Variants in ATG7 observed in about 807,000 individuals in gnomAD.
The protein encoded by ATG7 is autophagy related 7.
A neutral mutation model predicts 82.4 loss-of-function variants in ATG7; 70 were observed. The observed-to-expected ratio is 0.85, with a 90% CI of 0.70 to 1.04. The LOEUF (loss-of-function observed/expected upper bound fraction) is 1.04, where lower values mean the gene tolerates loss of function less well. Among genes scored for constraint, ATG7 ranks in the 50% least tolerant of loss-of-function variants. The pLI is 0.00. For synonymous variants in ATG7, 287 were observed against 313.0 expected, an observed-to-expected ratio of 0.92 and a Z score of 0.88; for missense variants, 792 against 864.3, an observed-to-expected ratio of 0.92 and a Z score of 1.05.
chr3:11,325,081 C>A (rs186622618), intron 9 of ATG7, among the ~76,000 whole-genome samples: 10 of 152,280 alleles, frequency 6.6e-5, no homozygotes, highest in African/African-American at 2.2e-4. Context: ...ACATGCTCTC[C>A]AGGTTTCTAG....
intron 1 of ATG7, among the ~76,000 whole-genome samples, chr3:11,275,685 C>G (rs1277325724): frequency 6.6e-6 from 1 of 152,094 alleles, no homozygotes; most frequent in Middle Eastern, 3.2e-3. Flanking sequence ...TCTCCCCACC[C>G]TTCTCCAGTG....
intron 20 of ATG7, among the ~76,000 whole-genome samples, chr3:11,515,252 A>T (rs985676698): frequency 1.3e-5 from 2 of 152,066 alleles, no homozygotes; most frequent in Non-Finnish European, 2.9e-5. Context: ...TTCATGTCTC[A>T]ACTGAGAGGT....
chr3:11,570,675 G>A, the ATG7 span, among the ~76,000 whole-genome samples: 1 of 152,236 alleles, frequency 6.6e-6, no homozygotes, highest in African/African-American at 2.4e-5. Flanking sequence ...ATGACTGGTG[G>A]CAAAGACTTT....
In ATG7 at chr3:11,358,544, G is replaced by T. The variant is rs767392709; in HGVS notation, c.1411G>T (p.Val471Phe). 2 of 1,614,088 alleles carry T rather than the reference G, an allele frequency of 1.2e-6. No homozygotes were observed. Among genetic ancestry groups the T allele is most frequent in the Non-Finnish European group, 8.5e-7 (1 of 1,179,994 alleles). Reference sequence around the variant, plus strand: ...GCAGCTCATCGAAAGCCATGATGTCGTCTTCCTATTGATGGACACCAGGGA... The same window carrying T: ...GCAGCTCATCGAAAGCCATGATGTCTTCTTCCTATTGATGGACACCAGGGA... ...LEQLIESHDV[V>F]FLLMDTRESR... Residue 471 changes from valine (V) to phenylalanine (F), a missense_variant, in exon 15 of 21, where the codon GTC becomes TTC. Physicochemically the swap from Val to Phe is conservative, Grantham distance 50. Transcript: ENST00000693202.
At chr3:11,515,297 C>CGTGTGTGTGT (rs1553704985) in intron 20 of ATG7, among the ~76,000 whole-genome samples, 1 of 151,216 alleles carries the variant, frequency 6.6e-6, no homozygotes, top group Non-Finnish European at 1.5e-5. Context: ...GTCTCTTGCG[C>CGTGTGTGTGT]GTGTGTGTGT....
intron 20 of ATG7, among the ~76,000 whole-genome samples, chr3:11,513,204 G>A (rs2092140541): frequency 6.6e-6 from 1 of 152,240 alleles, no homozygotes; most frequent in Admixed American, 6.5e-5. Context: ...CCGCACCGGG[G>A]CTGCAGGTGG....
In ATG7 at chr3:11,360,643, A is replaced by T; in HGVS notation, c.1542A>T (p.Lys514Asn). 1 of 1,614,190 alleles carries T rather than the reference A, an allele frequency of 6.2e-7. No homozygotes were observed. The highest frequency in any genetic ancestry group is 2.2e-5 in the East Asian group (1 of 44,888). ...TFVVMRHGLK[K>N]PKQQGAGDLC... ...TTGTCATGAGACATGGTCTGAAGAA[A>T]CCAAAGCAGCAAGGAGCTGGGGACT... The change falls in exon 16 of 21, where the codon AAA (lysine) becomes AAT (asparagine). Residue 514 changes from lysine (K) to asparagine (N), a missense_variant. Lys to Asn is a moderately conservative substitution (Grantham distance 94). Transcript: ENST00000693202.
At chr3:11,382,314 C>T (rs1357417578) in intron 19 of ATG7, among the ~76,000 whole-genome samples, 2 of 152,214 alleles carry the variant, frequency 1.3e-5, no homozygotes, top group Non-Finnish European at 2.9e-5. Context: ...CACGCACGCA[C>T]GCGAGCGAGA....
At chr3:11,449,634 C>G (rs1299000772) in intron 20 of ATG7, among the ~76,000 whole-genome samples, 1 of 152,176 alleles carries the variant, frequency 6.6e-6, no homozygotes, top group Non-Finnish European at 1.5e-5. Flanking sequence ...ATCAGATGAA[C>G]GCTTGGCATA....
chr3:11,373,601 A>G (rs1266023288), intron 18 of ATG7, among the ~76,000 whole-genome samples: 1 of 152,114 alleles, frequency 6.6e-6, no homozygotes, highest in Non-Finnish European at 1.5e-5. Flanking sequence ...TGCTTTATAG[A>G]CTTTGCACAC....
chr3:11,506,986 A>G (rs1404561928), intron 20 of ATG7, among the ~76,000 whole-genome samples: 1 of 152,100 alleles, frequency 6.6e-6, no homozygotes, highest in Non-Finnish European at 1.5e-5. Flanking sequence ...ATGCTTTTAA[A>G]TGTGCAAAAT....
chr3:11,546,541 C>T (rs918260650), intron 20 of ATG7, among the ~76,000 whole-genome samples: 1 of 152,156 alleles, frequency 6.6e-6, no homozygotes. Context: ...TTGTGCCATT[C>T]CCAAGGTAAT....
At chr3:11,376,265 G>A (rs149605159) in intron 18 of ATG7, among the ~76,000 whole-genome samples, 51 of 152,300 alleles carry the variant, frequency 3.3e-4, no homozygotes, top group African/African-American at 1.1e-3. Flanking sequence ...GATGATGGTT[G>A]CAAAACTGTT....
rs377672571 is a variant in ATG7, at chr3:11,365,579, G to A, written c.1875+845G>A. Among the ~76,000 whole-genome samples, 7 of 152,026 alleles carry A rather than the reference G, an allele frequency of 4.6e-5. No homozygotes were observed. The East Asian group carries it at 5.8e-4, about 13-fold the overall frequency. On this transcript the variant is annotated intron_variant, in intron 18 of 20. Coordinates refer to ENST00000693202, the MANE Select transcript of ATG7 (RefSeq NM_001349232.2). ...GACTGCTGTTCCCATCAGTGAAATC[G>A]TGATGGTGCCCACCAGTCCTATCTG...
rs1050816684 is a variant in ATG7 at position 11,550,747 on chromosome 3, TTGTTA to T, written c.2080-4059_2080-4055del. Among the ~76,000 whole-genome samples the T allele has an allele frequency of 1.7e-3, 257 of 152,240 alleles. 1 individual carries two copies. The highest frequency in any genetic ancestry group is 5.9e-3 in the African/African-American group (246 of 41,548). ...ACCGAGATGAGCCCTTTATGGTATG[TTGTTA>T]TGTTTTCTCTCAGTTTGCCTTTTTG... On this transcript the variant is annotated intron_variant, in intron 20 of 20. Transcript: ENST00000693202.
intron 20 of ATG7, among the ~76,000 whole-genome samples, chr3:11,476,346 A>G (rs1413421895): frequency 2.0e-5 from 3 of 152,128 alleles, no homozygotes; most frequent in South Asian, 2.1e-4. Context: ...CTAATGTGTT[A>G]GCTCAATGCC....
chr3:11,511,734 C>G (rs1224826382), intron 20 of ATG7, among the ~76,000 whole-genome samples: 1 of 152,196 alleles, frequency 6.6e-6, no homozygotes, highest in Non-Finnish European at 1.5e-5. Flanking sequence ...GTCCTGAGCC[C>G]TGCCCCGAGG....
At chr3:11,521,893 T>G (rs2092453022) in intron 20 of ATG7, among the ~76,000 whole-genome samples, 1 of 152,264 alleles carries the variant, frequency 6.6e-6, no homozygotes, top group East Asian at 1.9e-4. Context: ...TGACATGGAA[T>G]GACTCTAGAC....
At chr3:11,545,153 C>T (rs941143330) in intron 20 of ATG7, among the ~76,000 whole-genome samples, 2 of 151,698 alleles carry the variant, frequency 1.3e-5, no homozygotes, top group Admixed American at 6.6e-5. Flanking sequence ...GAGAGGGTGC[C>T]GGGGTGGGGA....
Sources: gnomAD v4.1 joint callset for allele counts (sites outside exome capture counted in the v4.1 genomes callset) on GRCh38, gnomAD v4.1.1 for gene constraint, MANE v1.5 for transcripts, NCBI Gene and HGNC (gene_info 2026-07-23, HGNC 2026-07-21) for gene names.